Variants in HP1BP3 observed in about 807,000 individuals in gnomAD.
HP1BP3 encodes the protein heterochromatin protein 1 binding protein 3, also known as heterochromatin protein 1-binding protein 3.
HP1BP3 carries 12 observed loss-of-function variants against 62.5 expected under a neutral mutation model. That is an observed-to-expected ratio of 0.19 (90% confidence interval 0.12 to 0.31). The LOEUF (loss-of-function observed/expected upper bound fraction) is 0.31, where lower values mean the gene tolerates loss of function less well. Among genes scored for constraint, HP1BP3 ranks in the 10% least tolerant of loss-of-function variants. The pLI is 1.00. For synonymous variants in HP1BP3, 260 were observed against 237.8 expected, an observed-to-expected ratio of 1.09 and a Z score of -0.86; for missense variants, 502 against 651.8, an observed-to-expected ratio of 0.77 and a Z score of 2.50.
chr1:20,758,823 A>AT (rs35204512), intron 8 of HP1BP3, among the ~76,000 whole-genome samples: 4,327 of 142,998 alleles, frequency 0.03, 85 homozygotes, highest in Middle Eastern at 0.053. Context: ...AATTTTTGTT[A>AT]TTTTTTTTTT....
intron 3 of HP1BP3, among the ~76,000 whole-genome samples, chr1:20,777,370 G>A (rs1057291242): frequency 3.3e-5 from 5 of 152,098 alleles, no homozygotes; most frequent in Admixed American, 1.3e-4. Flanking sequence ...TATGCTTGAA[G>A]AATTTGATCA....
At chr1:20,779,008 T>A (rs778241272) in intron 3 of HP1BP3, among the ~76,000 whole-genome samples, 16 of 152,110 alleles carry the variant, frequency 1.1e-4, no homozygotes, top group Non-Finnish European at 2.2e-4. Context: ...CAGGCTGGTC[T>A]CGAACTCCTG....
intron 9 of HP1BP3, among the ~76,000 whole-genome samples, chr1:20,750,816 CTTT>C (rs767621434): frequency 4.3e-5 from 5 of 116,524 alleles, no homozygotes; most frequent in East Asian, 2.5e-4. Context: ...TATTTTCTCT[CTTT>C]TTTTTTTTTT....
At chr1:20,761,091 C>T (rs2056441760) in intron 8 of HP1BP3, among the ~76,000 whole-genome samples, 1 of 152,104 alleles carries the variant, frequency 6.6e-6, no homozygotes, top group Non-Finnish European at 1.5e-5. Context: ...GTCGCCCAGG[C>T]TGGAGTGCAG....
chr1:20,785,263 C>T (rs1332247333), intron 1 of HP1BP3, among the ~76,000 whole-genome samples: 1 of 152,102 alleles, frequency 6.6e-6, no homozygotes, highest in Non-Finnish European at 1.5e-5. Flanking sequence ...AAATAAAAAG[C>T]CCCAAATTTC....
At chr1:20,773,406 T>A in intron 5 of HP1BP3, 45 bp downstream of exon 5, 1 of 1,516,054 alleles carries the variant, frequency 6.6e-7, no homozygotes, top group East Asian at 2.3e-5. Flanking sequence ...AAGAAAAAAA[T>A]GAACATAATA....
At chr1:20,762,137 T>C (rs2056519073) in intron 8 of HP1BP3, among the ~76,000 whole-genome samples, 1 of 152,182 alleles carries the variant, frequency 6.6e-6, no homozygotes. Flanking sequence ...TCAAGTTAAA[T>C]GTGTATATGA....
At chr1:20,778,411 T>A (rs370781741) in intron 3 of HP1BP3, among the ~76,000 whole-genome samples, 1 of 152,248 alleles carries the variant, frequency 6.6e-6, no homozygotes, top group Non-Finnish European at 1.5e-5. Context: ...GAAGTGACAC[T>A]GTTTCTTCAT....
chr1:20,779,460 T>C (rs2057446669), intron 3 of HP1BP3, among the ~76,000 whole-genome samples: 1 of 152,174 alleles, frequency 6.6e-6, no homozygotes, highest in Non-Finnish European at 1.5e-5. Context: ...CCTTCCACTG[T>C]CTATTCTAAA....
chr1:20,742,526 A>T lies in HP1BP3; in HGVS notation c.*2271T>A, dbSNP rs559677166. 2.0e-5 allele frequency: 3 copies of T among 152,670 alleles called. No homozygotes were observed. In the South Asian group the frequency reaches 6.2e-4, roughly 32 times the overall value. The allele number at this position is 152,670 out of a possible 1,614,324, so 9.5% of individuals were successfully genotyped here. On this transcript the variant is annotated 3_prime_UTR_variant, in exon 13 of 13. Transcript: ENST00000438032. ...GGAAACATCGTTTACCCTCTATAAGAATTCCAAAACACATGAACTGGAGCT... is the reference window on the plus strand; with the variant it reads ...GGAAACATCGTTTACCCTCTATAAGTATTCCAAAACACATGAACTGGAGCT...
intron 8 of HP1BP3, among the ~76,000 whole-genome samples, 160 bp from the exon 9 acceptor site, chr1:20,757,416 G>C (rs1346017796): frequency 1.3e-5 from 2 of 149,356 alleles, no homozygotes; most frequent in Non-Finnish European, 3.0e-5. Context: ...TTGTTGCCCA[G>C]GCTGGAGTGC....
intron 8 of HP1BP3, among the ~76,000 whole-genome samples, chr1:20,763,030 T>C (rs920394397): frequency 7.2e-5 from 11 of 152,174 alleles, no homozygotes; most frequent in Non-Finnish European, 1.0e-4. Flanking sequence ...AATGAGCGGG[T>C]TGTTTAAAAC....
chr1:20,779,990 G>A, intron 2 of HP1BP3, 79 bp from the exon 3 acceptor site: 1 of 1,053,242 alleles, frequency 9.5e-7, no homozygotes, highest in South Asian at 1.5e-5. Context: ...CTAACTGGGT[G>A]TCAGATGTAG....
intron 4 of HP1BP3, chr1:20,774,315 C>T (rs1230387985): frequency 6.6e-6 from 1 of 151,284 alleles, no homozygotes; most frequent in African/African-American, 2.4e-5. Flanking sequence ...CCCAACCTAG[C>T]CAACATAGTG....
intron 5 of HP1BP3, among the ~76,000 whole-genome samples, chr1:20,772,091 C>G (rs1193031980): frequency 6.6e-6 from 1 of 152,048 alleles, no homozygotes. Flanking sequence ...AAACACAGAG[C>G]AAAGAAAATC....
Position 20,776,750 on chromosome 1 carries a change from T to C in HP1BP3, c.197A>G (p.Glu66Gly), listed in dbSNP as rs1319742853. 1 of 1,607,092 alleles carries C rather than the reference T, an allele frequency of 6.2e-7. No homozygotes were observed. The highest frequency in any genetic ancestry group is 8.5e-7 in the Non-Finnish European group (1 of 1,177,456). ...KLAEGEEEKP[E>G]PDISSEESVS... ...AGATTCCTCTGAACTTATGTCTGGT[T>C]CTAAAAAATCAGGTGAGCAGAATTG... Residue 66 changes from glutamate (E) to glycine (G), a missense_variant and splice_region_variant, in exon 4 of 13, where the codon GAA becomes GGA. Physicochemically the swap from Glu to Gly is moderately conservative, Grantham distance 98 (BLOSUM62 -2). This residue lies in a region of HP1BP3 where 165 missense variants were observed against 156.4 expected (regional missense o/e 1.05). Coordinates refer to ENST00000438032, the MANE Select transcript of HP1BP3 (RefSeq NM_001372052.1).
Position 20,742,297 on chromosome 1 carries a change from T to C in HP1BP3, c.*2500A>G, listed in dbSNP as rs2055104675. Among the ~76,000 whole-genome samples the C allele has an allele frequency of 6.6e-6, 1 of 152,232 alleles. No individual in the cohort carries two copies. Among genetic ancestry groups the C allele is most frequent in the Non-Finnish European group, 1.5e-5 (1 of 68,032 alleles). On this transcript the variant is annotated 3_prime_UTR_variant, in exon 13 of 13. Transcript: ENST00000438032. ...TGCTAGAGAGCACAGGAGTAATTAC[T>C]ACAATTACTTCTAGAATTTGATGTC... is the stretch of plus-strand genomic sequence containing the variant.
chr1:20,770,939 G>A lies in HP1BP3; in HGVS notation c.645C>T (p.Val215=), dbSNP rs745717743. Residue 215 remains valine, a synonymous_variant, in exon 6 of 13, where the codon GTC becomes GTT. Transcript: ENST00000438032. ...QALKRELNRG[V]IKQVKGKGAS... is the part of the protein sequence containing the mutation. ...AACAATTGTGTAATACCTGTTTGAT[G>A]ACTCCTCTATTTAATTCTCTTTTCA... The A allele has an allele frequency of 5.6e-6, 9 of 1,598,950 alleles. No homozygotes were observed. In the South Asian group the frequency reaches 1.0e-4, roughly 18 times the overall value.
intron 8 of HP1BP3, among the ~76,000 whole-genome samples, chr1:20,762,724 A>C (rs1409187212): frequency 2.0e-5 from 3 of 152,144 alleles, no homozygotes; most frequent in Non-Finnish European, 4.4e-5. Flanking sequence ...AGACCAAACC[A>C]ACATACACCT....
Sources: gnomAD v4.1 joint callset for allele counts (sites outside exome capture counted in the v4.1 genomes callset) on GRCh38, gnomAD v4.1.1 for gene constraint, gnomAD v4.1.1 regional missense constraint, MANE v1.5 for transcripts, NCBI Gene and HGNC (gene_info 2026-07-23, HGNC 2026-07-21) for gene names.